Variants in DNA2 observed in about 807,000 individuals in gnomAD.
DNA2 encodes DNA replication ATP-dependent helicase/nuclease DNA2.
In DNA2, 101 loss-of-function variants were observed where a neutral mutation model predicts 119.1. The observed-to-expected ratio is 0.85, with a 90% confidence interval of 0.72 to 1.00. DNA2 has a LOEUF of 1.00. Ranked by LOEUF, DNA2 falls within the 50% of genes least tolerant of loss-of-function variation. The pLI, the probability that DNA2 is intolerant of heterozygous loss-of-function variation, is 0.00. For missense variants in DNA2, 1,121 were observed against 1,255.5 expected, an observed-to-expected ratio of 0.89 and a Z score of 1.62; for synonymous variants, 366 against 424.4, an observed-to-expected ratio of 0.86 and a Z score of 1.69.
chr10:68,437,157 GAAATTATGTAAATATTGCCCATCAC>G lies in DNA2; in HGVS notation c.1475_1499del (p.Cys492SerfsTer13). ...CAGGTATGGCACCATGTTTACATTG[GAAATTATGTAAATATTGCCCATCAC>G]AAACTATCTTTACATGTTCCATTCT... On this transcript the variant is annotated frameshift_variant, in exon 10 of 21. Coordinates refer to ENST00000358410, the MANE Select transcript of DNA2 (RefSeq NM_001080449.3). LOFTEE classifies it high-confidence loss of function. 6.2e-7 allele frequency: 1 copy of G among 1,613,766 alleles called. No individual in the cohort carries two copies. Among genetic ancestry groups the G allele is most frequent in the Non-Finnish European group, 8.5e-7 (1 of 1,179,828 alleles).
intron 3 of DNA2, among the ~76,000 whole-genome samples, chr10:68,467,351 T>C (rs2052339078): frequency 6.6e-6 from 1 of 151,738 alleles, no homozygotes; most frequent in African/African-American, 2.4e-5. Context: ...CTTCATGAAC[T>C]GCTCACCTCG....
intron 7 of DNA2, among the ~76,000 whole-genome samples, chr10:68,445,516 G>A (rs1038871968): frequency 6.6e-6 from 1 of 151,762 alleles, no homozygotes; most frequent in Admixed American, 6.6e-5. Flanking sequence ...TTTTAAAACG[G>A]AGAAAACAGT....
At chr10:68,445,631 C>T (rs1009877321) in intron 7 of DNA2, among the ~76,000 whole-genome samples, 3 of 151,974 alleles carry the variant, frequency 2.0e-5, no homozygotes, top group Non-Finnish European at 2.9e-5. Flanking sequence ...TTTCTGTTCA[C>T]TTGATAAATT....
intron 14 of DNA2, chr10:68,424,935 C>T: frequency 2.9e-6 from 2 of 679,036 alleles, no homozygotes; most frequent in Non-Finnish European, 5.5e-6. Context: ...AGCCAAGTCT[C>T]GACAAGTCAG....
intron 5 of DNA2, among the ~76,000 whole-genome samples, chr10:68,452,904 A>ATT (rs879332891): frequency 2.9e-5 from 4 of 139,700 alleles, no homozygotes; most frequent in Non-Finnish European, 6.3e-5. Context: ...TATTACCACA[A>ATT]TTTTTTTTTT....
At chr10:68,431,733 A>G (rs2051823802) in intron 13 of DNA2, 129 bp downstream of exon 13, 18 of 620,396 alleles carry the variant, frequency 2.9e-5, no homozygotes, top group Non-Finnish European at 4.8e-5. Flanking sequence ...TCATCATTCT[A>G]AAAAGTTCAT....
At chr10:68,415,885 C>G (rs1035745133) in intron 20 of DNA2, among the ~76,000 whole-genome samples, 4 of 151,374 alleles carry the variant, frequency 2.6e-5, no homozygotes, top group Non-Finnish European at 5.9e-5. Flanking sequence ...ATCTCAACCT[C>G]GCAATCCACC....
intron 1 of DNA2, 91 bp downstream of exon 1, chr10:68,471,700 G>C: frequency 7.0e-7 from 1 of 1,425,222 alleles, no homozygotes; most frequent in Non-Finnish European, 9.2e-7. Context: ...CCCCGGGCCC[G>C]GTCAGTCTGA....
intron 10 of DNA2, among the ~76,000 whole-genome samples, chr10:68,433,164 G>A (rs1374484702): frequency 6.6e-6 from 1 of 152,126 alleles, no homozygotes; most frequent in Non-Finnish European, 1.5e-5. Context: ...TGAACCTGAT[G>A]CTCCTTCTCT....
chr10:68,465,738 A>T lies in DNA2; in HGVS notation c.516T>A (p.Asn172Lys). Residue 172 changes from asparagine to lysine, a missense_variant, in exon 4 of 21, where the codon AAT (asparagine) becomes AAA (lysine). Asn to Lys is a moderately conservative substitution (Grantham distance 94). Transcript: ENST00000358410. The stretch of plus-strand genomic sequence containing the variant: ...CTTGTAGCTTTTCTGGGGCAAAGCT[A>T]TTATTTATGGCTTTTTGAAACACCT... Reference protein sequence around the residue: ...LHEVFQKAINNSFAPEKLQEL... With the variant: ...LHEVFQKAINKSFAPEKLQEL... The T allele has an allele frequency of 6.2e-7, 1 of 1,609,352 alleles. No individual in the cohort carries two copies. Among genetic ancestry groups the T allele is most frequent in the Non-Finnish European group, 8.5e-7 (1 of 1,177,974 alleles).
intron 14 of DNA2, among the ~76,000 whole-genome samples, chr10:68,427,505 G>T (rs555994378): frequency 6.6e-6 from 1 of 151,090 alleles, no homozygotes; most frequent in Admixed American, 6.6e-5. Flanking sequence ...ATATTAGGCA[G>T]GCATGGTGGT....
At chr10:68,434,347 ACATAT>A (rs995232113) in intron 10 of DNA2, among the ~76,000 whole-genome samples, 4 of 152,140 alleles carry the variant, frequency 2.6e-5, no homozygotes, top group African/African-American at 9.6e-5. Context: ...CAATTTGAAC[ACATAT>A]CAGATTGAAA....
upstream of DNA2, chr10:68,471,986 A>G (rs775329250): frequency 1.2e-6 from 2 of 1,611,378 alleles, no homozygotes; most frequent in Admixed American, 1.7e-5. Flanking sequence ...GCCAACCCGC[A>G]GATGTCCCAA....
chr10:68,433,169 T>A (rs1446316898), intron 10 of DNA2, among the ~76,000 whole-genome samples: 1 of 152,158 alleles, frequency 6.6e-6, no homozygotes, highest in Non-Finnish European at 1.5e-5. Context: ...CTGATGCTCC[T>A]TCTCTGGTCC....
intron 3 of DNA2, 97 bp from the exon 4 acceptor site, chr10:68,465,909 A>G (rs1236986759): frequency 1.8e-6 from 2 of 1,115,418 alleles, no homozygotes; most frequent in East Asian, 3.1e-5. Flanking sequence ...GCCAAAATGC[A>G]CTGGTAAGAC....
rs1432447757 is a variant in DNA2, at chr10:68,471,878, A to T, written c.-14T>A. The T allele has an allele frequency of 6.2e-7, 1 of 1,613,970 alleles. No homozygotes were observed. The highest frequency in any genetic ancestry group is 2.2e-5 in the East Asian group (1 of 44,878). ...CAGCTGCTCCATCCTGGACGCGGGG[A>T]TCGCAAACTGTAGACAGAAAAGACA... is the stretch of plus-strand genomic sequence containing the variant. On this transcript the variant is annotated 5_prime_UTR_variant, in exon 1 of 21. Coordinates refer to ENST00000358410, the MANE Select transcript of DNA2 (RefSeq NM_001080449.3).
chr10:68,440,046 A>G (rs907064691), intron 9 of DNA2, among the ~76,000 whole-genome samples: 2 of 150,974 alleles, frequency 1.3e-5, no homozygotes, highest in Admixed American at 6.6e-5. Flanking sequence ...GCTCACACCT[A>G]TAATCCCAGC....
chr10:68,452,140 T>C (rs2052127233), intron 5 of DNA2, among the ~76,000 whole-genome samples: 1 of 152,078 alleles, frequency 6.6e-6, no homozygotes, highest in African/African-American at 2.4e-5. Flanking sequence ...TAGAGTGCAG[T>C]GGCATGAACA....
rs2052387437 is a variant in DNA2, at chr10:68,471,941, A to G, written c.-77T>C. 3.1e-6 allele frequency: 5 copies of G among 1,611,822 alleles called. No homozygotes were observed. The highest frequency in any genetic ancestry group is 1.3e-5 in the African/African-American group (1 of 74,880). On this transcript the variant is annotated 5_prime_UTR_variant, in exon 1 of 21. Coordinates refer to ENST00000358410, the MANE Select transcript of DNA2 (RefSeq NM_001080449.3). Reference sequence around the variant, plus strand: ...GTAACACAGAAAGCTTAGAAAAGGGAAAAAGGCGCGAGCCTGCGCACCTCG... The same window carrying G: ...GTAACACAGAAAGCTTAGAAAAGGGGAAAAGGCGCGAGCCTGCGCACCTCG...
Sources: allele counts gnomAD v4.1 joint callset (sites outside exome capture counted in the v4.1 genomes callset), GRCh38; gene constraint gnomAD v4.1.1; transcripts MANE v1.5; gene names NCBI Gene and HGNC (gene_info 2026-07-23, HGNC 2026-07-21).